NLN: variants seen among roughly 807,000 people sequenced by gnomAD.
The protein encoded by NLN is neurolysin, also known as neurolysin, mitochondrial.
Under a neutral mutation model 79.9 loss-of-function variants are expected in NLN, and 64 were observed. That is an observed-to-expected ratio of 0.80 (90% confidence interval 0.65 to 0.99). The LOEUF (loss-of-function observed/expected upper bound fraction) is 0.99, where lower values mean the gene tolerates loss of function less well. Among genes scored for constraint, NLN ranks in the 50% least tolerant of loss-of-function variants. The pLI is 0.00. For missense variants in NLN, 835 were observed against 858.7 expected, an observed-to-expected ratio of 0.97 and a Z score of 0.34; for synonymous variants, 267 against 296.6, an observed-to-expected ratio of 0.90 and a Z score of 1.02.
At chr5:65,775,355 G>A (rs34974) in intron 3 of NLN, among the ~76,000 whole-genome samples, 87,045 of 151,950 alleles carry the variant, frequency 0.57, 25,269 homozygotes, top group South Asian at 0.62. Flanking sequence ...CAGGAACCCA[G>A]GTACACACAC....
chr5:65,730,011 GT>G (rs549772689), intron 1 of NLN, among the ~76,000 whole-genome samples: 1 of 152,322 alleles, frequency 6.6e-6, no homozygotes, highest in South Asian at 2.1e-4. Context: ...CTCCGTATCT[GT>G]TTCCTCCTCA....
intron 6 of NLN, among the ~76,000 whole-genome samples, chr5:65,784,742 A>G (rs959676934): frequency 1.3e-5 from 2 of 152,076 alleles, no homozygotes; most frequent in African/African-American, 2.4e-5. Flanking sequence ...ATATGTTTAT[A>G]TTTTTCTGCA....
chr5:65,824,490 C>CT lies in NLN; in HGVS notation c.*1578dup. 1 of 152,270 alleles carries CT rather than the reference C, an allele frequency of 6.6e-6. No individual in the cohort carries two copies. The highest frequency in any genetic ancestry group is 2.4e-5 in the African/African-American group (1 of 41,548). 9.4% of individuals were successfully genotyped at this position (152,270 alleles called of 1,614,324 possible). On this transcript the variant is annotated 3_prime_UTR_variant, in exon 13 of 13. Transcript: ENST00000380985. ...TAATCCCCAAAACTGTTTTTGTGGT[C>CT]TTTGTAGCCTATAGTAGTTTTCTCA...
At chr5:65,768,419 G>C (rs1759500399) in intron 3 of NLN, among the ~76,000 whole-genome samples, 1 of 152,122 alleles carries the variant, frequency 6.6e-6, no homozygotes, top group African/African-American at 2.4e-5. Context: ...TCACCATCAT[G>C]AGAACAGCAT....
chr5:65,722,315 C>A lies in NLN; in HGVS notation c.-59C>A. On this transcript the variant is annotated 5_prime_UTR_variant, in exon 1 of 13. Coordinates refer to ENST00000380985, the MANE Select transcript of NLN (RefSeq NM_020726.5). Reference sequence around the variant, plus strand: ...CCGGGCGCCCAGGCGCTGCCGCCCGCCTCGCCGCCCCACGCCGAAGGACCA... The same window carrying A: ...CCGGGCGCCCAGGCGCTGCCGCCCGACTCGCCGCCCCACGCCGAAGGACCA... 1 of 1,444,116 alleles carries A rather than the reference C, an allele frequency of 6.9e-7. No homozygotes were observed. Among genetic ancestry groups the A allele is most frequent in the Non-Finnish European group, 9.2e-7 (1 of 1,081,522 alleles). 89.5% of individuals were successfully genotyped at this position (1,444,116 alleles called of 1,614,324 possible).
rs1760837651 is a variant in NLN at position 65,823,148 on chromosome 5, G to T, written c.*233G>T. The T allele has an allele frequency of 5.0e-6, 2 of 396,772 alleles. No homozygotes were observed. Among genetic ancestry groups the T allele is most frequent in the East Asian group, 4.3e-5 (1 of 23,054 alleles). 24.6% of individuals were successfully genotyped at this position (396,772 alleles called of 1,614,324 possible). A position where few individuals can be genotyped will look rare whatever the true frequency, so the allele number is the denominator to read the frequency against. On this transcript the variant is annotated 3_prime_UTR_variant, in exon 13 of 13. Coordinates refer to ENST00000380985, the MANE Select transcript of NLN (RefSeq NM_020726.5). Reference sequence around the variant, plus strand: ...TATAAAATTTCATAAAACTGGATTTGATTTCTTTTTATGAAAGTTTCATAT... The same window carrying T: ...TATAAAATTTCATAAAACTGGATTTTATTTCTTTTTATGAAAGTTTCATAT...
rs1182402392 is a variant in NLN, at chr5:65,771,128, A to C, written c.451-6299A>C. Among the ~76,000 whole-genome samples the C allele has an allele frequency of 3.9e-5, 6 of 152,192 alleles. No individual in the cohort carries two copies. The East Asian group carries it at 1.2e-3, about 29-fold the overall frequency. On this transcript the variant is annotated intron_variant, in intron 3 of 12. Transcript: ENST00000380985. ...TATCCATTTGCAGATATCAGGTTAC[A>C]CATAAAAATTTAACATATATTAAAT...
chr5:65,789,856 G>A (rs975544296), intron 8 of NLN, among the ~76,000 whole-genome samples: 1 of 152,222 alleles, frequency 6.6e-6, no homozygotes, highest in African/African-American at 2.4e-5. Flanking sequence ...GCACAGTTTA[G>A]TAGAAGTAGC....
intron 2 of NLN, among the ~76,000 whole-genome samples, chr5:65,759,341 A>G (rs781169071): frequency 2.0e-4 from 31 of 152,042 alleles, no homozygotes; most frequent in Non-Finnish European, 3.8e-4. Context: ...AATAAATTTT[A>G]TCAATGGTTT....
chr5:65,801,558 A>C (rs1465598453), intron 9 of NLN, among the ~76,000 whole-genome samples: 1 of 152,232 alleles, frequency 6.6e-6, no homozygotes, highest in African/African-American at 2.4e-5. Context: ...TGTTGCCCAA[A>C]GGGCTCACAG....
At chr5:65,799,639 T>G (rs1304149196) in intron 9 of NLN, among the ~76,000 whole-genome samples, 1 of 152,214 alleles carries the variant, frequency 6.6e-6, no homozygotes, top group African/African-American at 2.4e-5. Flanking sequence ...TTAAATAAGA[T>G]GTACCTGATC....
At chr5:65,722,746 G>GA in intron 1 of NLN, 1 of 347,056 alleles carries the variant, frequency 2.9e-6, no homozygotes, top group South Asian at 3.3e-5. Flanking sequence ...TCCCAATGCA[G>GA]AACTACAGAC....
Position 65,825,814 on chromosome 5 carries a change from C to T in NLN, c.*2899C>T, listed in dbSNP as rs1156459404. On this transcript the variant is annotated 3_prime_UTR_variant, in exon 13 of 13. Transcript: ENST00000380985. ...GGCAGTGACTCAATTTTCTACTTTA[C>T]CATTTTACCTTTAGCTTTTATGTAT... 6 of 152,170 alleles carry T rather than the reference C, an allele frequency of 3.9e-5. No individual in the cohort carries two copies. Among genetic ancestry groups the T allele is most frequent in the African/African-American group, 1.4e-4 (6 of 41,444 alleles). 9.4% of individuals were successfully genotyped at this position (152,170 alleles called of 1,614,324 possible). A position where few individuals can be genotyped will look rare whatever the true frequency, so the allele number is the denominator to read the frequency against.
rs773838223 is a variant in NLN at position 65,722,343 on chromosome 5, C to G, written c.-31C>G. 6.5e-7 allele frequency: 1 copy of G among 1,535,122 alleles called. No individual in the cohort carries two copies. The highest frequency in any genetic ancestry group is 1.2e-5 in the South Asian group (1 of 82,600). On this transcript the variant is annotated 5_prime_UTR_variant, in exon 1 of 13. Coordinates refer to ENST00000380985, the MANE Select transcript of NLN (RefSeq NM_020726.5). Reference sequence around the variant, plus strand: ...CGCCGCCCCACGCCGAAGGACCACGCGCCCGCCGCCGCCAGCCTCTCAGCG... The same window carrying G: ...CGCCGCCCCACGCCGAAGGACCACGGGCCCGCCGCCGCCAGCCTCTCAGCG...
At chr5:65,724,870 C>T (rs1758427042) in intron 1 of NLN, among the ~76,000 whole-genome samples, 1 of 148,986 alleles carries the variant, frequency 6.7e-6, no homozygotes, top group Non-Finnish European at 1.5e-5. Flanking sequence ...GGCGCTATCT[C>T]GGCTCACTGC....
intron 3 of NLN, among the ~76,000 whole-genome samples, chr5:65,771,806 C>T (rs1054279262): frequency 1.3e-5 from 2 of 152,006 alleles, no homozygotes. Context: ...GGCCTAAGCC[C>T]AGAAGTTCCA....
intron 1 of NLN, among the ~76,000 whole-genome samples, chr5:65,728,744 G>A (rs549717119): frequency 7.9e-4 from 120 of 152,178 alleles, no homozygotes; most frequent in Non-Finnish European, 1.5e-3. Context: ...TTCAGGAGTT[G>A]TGGTCTGGAA....
intron 1 of NLN, among the ~76,000 whole-genome samples, chr5:65,726,029 G>A (rs912424545): frequency 2.4e-4 from 37 of 151,616 alleles, no homozygotes; most frequent in Admixed American, 1.1e-3. Context: ...GGAGAATGGC[G>A]TGAACCCGGA....
intron 12 of NLN, among the ~76,000 whole-genome samples, chr5:65,815,798 A>ATT (rs1760657336): frequency 6.6e-6 from 1 of 152,192 alleles, no homozygotes; most frequent in Non-Finnish European, 1.5e-5. Flanking sequence ...AAACCCACAA[A>ATT]TATTTGCTCT....
Sources: allele counts gnomAD v4.1 joint callset (sites outside exome capture counted in the v4.1 genomes callset), GRCh38; gene constraint gnomAD v4.1.1; transcripts MANE v1.5; gene names NCBI Gene and HGNC (gene_info 2026-07-23, HGNC 2026-07-21).